The following ZER1 variants were observed in gnomAD, a reference collection of about 807,000 sequenced individuals.
ZER1 encodes the protein zyg-11 related cell cycle regulator.
A neutral mutation model predicts 78.8 loss-of-function variants in ZER1; 11 were observed. The observed-to-expected ratio is 0.14, with a 90% confidence interval of 0.09 to 0.23. ZER1 has a LOEUF of 0.23. ZER1 is among the 10% of genes least tolerant of loss of function. The probability of loss-of-function intolerance (pLI) is 1.00; values close to 1 mark genes in which losing one functional copy is unlikely to be tolerated. For missense variants in ZER1, 588 were observed against 996.9 expected, an observed-to-expected ratio of 0.59 and a Z score of 5.52; for synonymous variants, 400 against 407.0, an observed-to-expected ratio of 0.98 and a Z score of 0.21.
At chr9:128,762,231 G>A (rs1241630332) in intron 1 of ZER1, among the ~76,000 whole-genome samples, 4 of 152,014 alleles carry the variant, frequency 2.6e-5, no homozygotes, top group South Asian at 2.1e-4. Flanking sequence ...CCCTGACTTA[G>A]AGGGTTCTGG....
chr9:128,753,061 A>T lies in ZER1; in HGVS notation c.746+103T>A. 7.7e-7 allele frequency: 1 copy of T among 1,292,450 alleles called. No individual in the cohort carries two copies. Among genetic ancestry groups the T allele is most frequent in the South Asian group, 1.5e-5 (1 of 65,374 alleles). The allele number at this position is 1,292,450 out of a possible 1,614,324, so 80.1% of individuals were successfully genotyped here. On this transcript the variant is annotated intron_variant, in intron 4 of 15. Transcript: ENST00000291900. This position sits in a 1 kb window ranked among gnomAD's most constrained non-coding sequence, Gnocchi z 7.5. Reference sequence around the variant, plus strand: ...GTGTCTTCATCCCCACCCTCTGCCTAGCCAAGCGCTCCTGAACCCTGAGGG... The same window carrying T: ...GTGTCTTCATCCCCACCCTCTGCCTTGCCAAGCGCTCCTGAACCCTGAGGG...
chr9:128,737,788 T>C (rs10819438), intron 13 of ZER1, among the ~76,000 whole-genome samples: 136,834 of 151,758 alleles, frequency 0.9, 63,208 homozygotes, highest in Non-Finnish European at 1. Flanking sequence ...CTGCAACCTC[T>C]GCCTTCCAGG....
At chr9:128,741,511 G>A in intron 11 of ZER1, 24 bp downstream of exon 11, 9 of 1,613,970 alleles carry the variant, frequency 5.6e-6, no homozygotes, top group Non-Finnish European at 7.6e-6. Context: ...TGAGGCAGCT[G>A]CTGCTGCAGG....
Position 128,738,015 on chromosome 9 carries a change from CTTGT to C in ZER1, c.2042+1912_2042+1915del, listed in dbSNP as rs1328987290. Among the ~76,000 whole-genome samples, 10 of 149,628 alleles carry C rather than the reference CTTGT, an allele frequency of 6.7e-5. No individual in the cohort carries two copies. In the East Asian group the frequency reaches 1.8e-3, roughly 27 times the overall value. ...ACTGTGCCCGGCCCTGTTTTGTTTT[CTTGT>C]TTTTTTTATTCATTTTTATTTTTAT... On this transcript the variant is annotated intron_variant, in intron 13 of 15. Coordinates refer to ENST00000291900, the MANE Select transcript of ZER1 (RefSeq NM_006336.4).
chr9:128,765,212 T>TACAC (rs60923356), intron 1 of ZER1, among the ~76,000 whole-genome samples: 3,440 of 149,762 alleles, frequency 0.023, 97 homozygotes, highest in African/African-American at 0.067. Context: ...CATGCACATG[T>TACAC]ACACACACAC....
chr9:128,752,464 G>C (rs777055629), intron 5 of ZER1, among the ~76,000 whole-genome samples: 1 of 152,168 alleles, frequency 6.6e-6, no homozygotes, highest in Non-Finnish European at 1.5e-5. Context: ...GGGACTACAG[G>C]TGTCTGCCAC....
At chr9:128,737,883 A>G (rs1863141152) in intron 13 of ZER1, among the ~76,000 whole-genome samples, 2 of 150,042 alleles carry the variant, frequency 1.3e-5, no homozygotes, top group Non-Finnish European at 3.0e-5. Context: ...TTGTATTTTT[A>G]GCAGAGATGG....
At position 128,753,756 on chromosome 9, in the gene ZER1, C is replaced by T. The variant is rs1286380249; in HGVS notation, c.309+53G>A. On this transcript the variant is annotated intron_variant, in intron 3 of 15. Coordinates refer to ENST00000291900, the MANE Select transcript of ZER1 (RefSeq NM_006336.4). The surrounding 1 kb of genome is among the most constrained non-coding windows in gnomAD (Gnocchi z 7.5). The stretch of plus-strand genomic sequence containing the variant: ...GATGGCTGGGCTGGAGGCGAGCAGC[C>T]TGGCCCCTGCTTGGTGTGGGCCCTC... 2 of 1,583,238 alleles carry T rather than the reference C, an allele frequency of 1.3e-6. No homozygotes were observed.
At chr9:128,763,900 T>C (rs1864125424) in intron 1 of ZER1, among the ~76,000 whole-genome samples, 2 of 151,910 alleles carry the variant, frequency 1.3e-5, no homozygotes, top group African/African-American at 4.8e-5. Context: ...GGCAGGAGAA[T>C]TGCTTGAACC....
intron 1 of ZER1, among the ~76,000 whole-genome samples, chr9:128,765,192 T>C (rs1397150910): frequency 4.0e-5 from 6 of 151,298 alleles, no homozygotes; most frequent in Non-Finnish European, 8.8e-5. Context: ...CTTGCTTGCA[T>C]GCCTGCATCC....
intron 13 of ZER1, among the ~76,000 whole-genome samples, chr9:128,739,268 C>T (rs958295512): frequency 6.6e-6 from 1 of 151,582 alleles, no homozygotes; most frequent in African/African-American, 2.4e-5. Context: ...TTTGGGAGGC[C>T]GACGTGGGCG....
At chr9:128,746,828 G>C (rs1344633161) in intron 8 of ZER1, among the ~76,000 whole-genome samples, 1 of 151,880 alleles carries the variant, frequency 6.6e-6, no homozygotes, top group Non-Finnish European at 1.5e-5. Flanking sequence ...TAGAGACCGG[G>C]TTTCACCATG....
At chr9:128,748,954 C>T (rs1181274154) in intron 8 of ZER1, among the ~76,000 whole-genome samples, 48 of 149,318 alleles carry the variant, frequency 3.2e-4, no homozygotes, top group African/African-American at 1.1e-3. Flanking sequence ...GATCTGCCTG[C>T]CTCAGCCTCC....
Position 128,754,203 on chromosome 9 carries a change from G to T in ZER1, c.159-244C>A, listed in dbSNP as rs546809639. ...TGATGCAGGCGCCATCTCTCCCAGT[G>T]CACATGCCTGTCACACAGCCTCCAC... is the stretch of plus-strand genomic sequence containing the variant. On this transcript the variant is annotated intron_variant, in intron 2 of 15. Transcript: ENST00000291900. The surrounding 1 kb of genome is among the most constrained non-coding windows in gnomAD (Gnocchi z 4.3). Among the ~76,000 whole-genome samples, 55 of 152,318 alleles carry T rather than the reference G, an allele frequency of 3.6e-4. No individual in the cohort carries two copies. The highest frequency in any genetic ancestry group is 3.4e-3 in the Middle Eastern group (1 of 294).
intron 8 of ZER1, among the ~76,000 whole-genome samples, chr9:128,744,055 G>A (rs567581071): frequency 2.6e-5 from 4 of 151,778 alleles, no homozygotes; most frequent in African/African-American, 4.8e-5. Context: ...CTGCCACCAC[G>A]CCCAGCTAAT....
In ZER1 at chr9:128,753,594, C is replaced by T. The variant is rs900210514; in HGVS notation, c.316G>A (p.Val106Met). The change falls in exon 4 of 16, where the codon GTG (valine) becomes ATG (methionine). Residue 106 changes from valine (V) to methionine (M), a missense_variant. Transcript: ENST00000291900. The surrounding 1 kb of genome is among the most constrained non-coding windows in gnomAD (Gnocchi z 7.5). The stretch of plus-strand genomic sequence containing the variant: ...TCGCAGTTAGTCAGGTACAGCTCCA[C>T]CAGGTCCTGGGAGTGGGCACAGCTC... Reference protein sequence around the residue: ...DLEAIRKQDLVELYLTNCEKL... With the variant: ...DLEAIRKQDLMELYLTNCEKL... 1.2e-6 allele frequency: 2 copies of T among 1,612,968 alleles called. No homozygotes were observed. Among genetic ancestry groups the T allele is most frequent in the African/African-American group, 2.7e-5 (2 of 74,944 alleles).
At chr9:128,733,633 TGAAG>T in intron 14 of ZER1, 105 bp from the exon 15 acceptor site, 2 of 1,027,914 alleles carry the variant, frequency 1.9e-6, no homozygotes, top group Non-Finnish European at 2.9e-6. Flanking sequence ...GTCGGGGGTG[TGAAG>T]GCACAGCCCT....
chr9:128,748,289 C>T (rs1863561830), intron 8 of ZER1, among the ~76,000 whole-genome samples: 1 of 151,746 alleles, frequency 6.6e-6, no homozygotes, highest in African/African-American at 2.4e-5. Flanking sequence ...CCTGTAGTCC[C>T]AGCTACTCGG....
chr9:128,740,204 G>A lies in ZER1; in HGVS notation c.1854-85C>T. On this transcript the variant is annotated intron_variant, in intron 12 of 15. Coordinates refer to ENST00000291900, the MANE Select transcript of ZER1 (RefSeq NM_006336.4). The surrounding 1 kb of genome is among the most constrained non-coding windows in gnomAD (Gnocchi z 4.4). Reference sequence around the variant, plus strand: ...GCGGCAGGACCCCAACTTAAAACCAGAAGCAAGAGGTGCTACTTATTTCTT... The same window carrying A: ...GCGGCAGGACCCCAACTTAAAACCAAAAGCAAGAGGTGCTACTTATTTCTT... 7.6e-7 allele frequency: 1 copy of A among 1,315,312 alleles called. No individual in the cohort carries two copies. The highest frequency in any genetic ancestry group is 1.0e-6 in the Non-Finnish European group (1 of 959,770). The allele number at this position is 1,315,312 out of a possible 1,614,324, so 81.5% of individuals were successfully genotyped here.
Sources: allele counts gnomAD v4.1 joint callset (sites outside exome capture counted in the v4.1 genomes callset), GRCh38; gene constraint gnomAD v4.1.1; non-coding constraint Gnocchi (gnomAD v3.1); transcripts MANE v1.5; gene names NCBI Gene and HGNC (gene_info 2026-07-23, HGNC 2026-07-21).